The following SH3KBP1 variants were observed in gnomAD, a reference collection of about 807,000 sequenced individuals.
The protein encoded by SH3KBP1 is SH3 domain containing kinase binding protein 1.
Under a neutral mutation model 50.1 loss-of-function variants are expected in SH3KBP1, and 8 were observed. The observed-to-expected ratio is 0.16, with a 90% CI of 0.09 to 0.29. The LOEUF (loss-of-function observed/expected upper bound fraction) is 0.29, where lower values mean the gene tolerates loss of function less well. Ranked by LOEUF, SH3KBP1 falls within the 10% of genes least tolerant of loss-of-function variation. The probability of loss-of-function intolerance (pLI) is 1.00; values close to 1 mark genes in which losing one functional copy is unlikely to be tolerated. For synonymous variants in SH3KBP1, 227 were observed against 218.6 expected (o/e 1.04, Z -0.34); for missense variants, 377 against 535.2 (o/e 0.70, Z 2.92).
At chrX:19,887,195 C>T (rs1489632201) in intron 1 of SH3KBP1, 112 bp downstream of exon 1, 10 of 654,116 alleles carry the variant, frequency 1.5e-5, no homozygotes, top group Non-Finnish European at 2.0e-5. Context: ...ACCGCGGTGT[C>T]CCCCGTCCGG....
intron 6 of SH3KBP1, among the ~76,000 whole-genome samples, chrX:19,652,118 C>T (rs1210455838): frequency 9.0e-6 from 1 of 110,994 alleles, no homozygotes; most frequent in Non-Finnish European, 1.9e-5. Flanking sequence ...ACCAGAGAGC[C>T]TCTACGCCTC....
intron 3 of SH3KBP1, among the ~76,000 whole-genome samples, chrX:19,743,439 A>AAAAG (rs757893277): frequency 1.3e-4 from 14 of 110,416 alleles, no homozygotes; most frequent in East Asian, 2.8e-4. Context: ...CAAAAAATAA[A>AAAAG]AAAGAAAGAA....
chrX:19,694,280 T>C (rs1035508810), intron 5 of SH3KBP1, among the ~76,000 whole-genome samples: 2 of 111,688 alleles, frequency 1.8e-5, no homozygotes, highest in African/African-American at 6.5e-5. Context: ...TATTCCAGAG[T>C]ACAGGAGAAG....
At chrX:19,783,913 C>T (rs2066261057) in intron 2 of SH3KBP1, among the ~76,000 whole-genome samples, 1 of 111,575 alleles carries the variant, frequency 9.0e-6, no homozygotes, top group Admixed American at 9.5e-5. Flanking sequence ...ACTTCCAAGA[C>T]ATTAGGGAAC....
rs775709107 is a variant in SH3KBP1, at chrX:19,678,036, T to C, written c.726+5787A>G. On this transcript the variant is annotated intron_variant, in intron 6 of 17. Transcript: ENST00000397821. ...AAGGGGCAGGTCTTTCTATCTCACA[T>C]TGGCCTGAGTTAGTCCAATGTTGCT... Among the ~76,000 whole-genome samples, 4 of 111,957 alleles carry C rather than the reference T, an allele frequency of 3.6e-5. No individual in the cohort carries two copies. In the South Asian group the frequency reaches 1.1e-3, roughly 31 times the overall value.
At chrX:19,655,525 T>C (rs1190141069) in intron 6 of SH3KBP1, among the ~76,000 whole-genome samples, 1 of 111,855 alleles carries the variant, frequency 8.9e-6, no homozygotes, top group Non-Finnish European at 1.9e-5. Flanking sequence ...GCAACATGGA[T>C]GCAGCTGGAG....
intron 1 of SH3KBP1, among the ~76,000 whole-genome samples, chrX:19,866,489 A>G (rs909361407): frequency 6.3e-5 from 7 of 110,297 alleles, no homozygotes; most frequent in Middle Eastern, 4.6e-3. Flanking sequence ...GGAGTTTGAG[A>G]CCAGCCTGGG....
At chrX:19,713,111 T>C (rs983335782) in intron 3 of SH3KBP1, among the ~76,000 whole-genome samples, 8 of 109,487 alleles carry the variant, frequency 7.3e-5, no homozygotes, top group African/African-American at 2.7e-4. Flanking sequence ...TAGTCTCAGC[T>C]ACTCGGGAGG....
intron 13 of SH3KBP1, among the ~76,000 whole-genome samples, chrX:19,557,801 T>C (rs1449505199): frequency 8.9e-6 from 1 of 111,998 alleles, no homozygotes; most frequent in African/African-American, 3.2e-5. Context: ...AATAGCCACA[T>C]TCCCTGCCCA....
intron 1 of SH3KBP1, among the ~76,000 whole-genome samples, chrX:19,861,979 T>C (rs1025531967): frequency 8.9e-6 from 1 of 112,115 alleles, no homozygotes; most frequent in Admixed American, 9.5e-5. Context: ...TGACCTTTGC[T>C]CTTGACCGCT....
chrX:19,626,816 G>A (rs938545166), intron 8 of SH3KBP1, among the ~76,000 whole-genome samples: 7 of 110,761 alleles, frequency 6.3e-5, no homozygotes, highest in African/African-American at 9.9e-5. Flanking sequence ...TGATCCTCCC[G>A]TCTCAGCCAC....
chrX:19,659,058 C>T (rs1021141751), intron 6 of SH3KBP1, among the ~76,000 whole-genome samples: 1 of 105,778 alleles, frequency 9.5e-6, no homozygotes, highest in East Asian at 3.0e-4. Context: ...TGGGCTCAAG[C>T]GAGCCTCTCA....
chrX:19,610,003 C>T (rs2067363809), intron 8 of SH3KBP1, among the ~76,000 whole-genome samples: 1 of 111,471 alleles, frequency 9.0e-6, no homozygotes, highest in Non-Finnish European at 1.9e-5. Flanking sequence ...GTATCTGTTA[C>T]AAAGATAAGC....
chrX:19,711,567 A>G (rs1228540956), intron 3 of SH3KBP1, among the ~76,000 whole-genome samples: 1 of 110,684 alleles, frequency 9.0e-6, no homozygotes, highest in Non-Finnish European at 1.9e-5. Flanking sequence ...AAAACTTCCA[A>G]CACTTATAAA....
At chrX:19,637,398 A>G (rs1411572571) in intron 7 of SH3KBP1, among the ~76,000 whole-genome samples, 1 of 112,356 alleles carries the variant, frequency 8.9e-6, no homozygotes, top group African/African-American at 3.2e-5. Context: ...CTGCTCGAGG[A>G]GCTCAAGTAG....
chrX:19,569,382 C>T (rs993285259), intron 12 of SH3KBP1, among the ~76,000 whole-genome samples, 194 bp from the exon 13 acceptor site: 4 of 112,061 alleles, frequency 3.6e-5, no homozygotes, highest in African/African-American at 1.3e-4. Flanking sequence ...AGGCTGGATG[C>T]GTCCCTCTCC....
At chrX:19,670,419 C>G in intron 6 of SH3KBP1, 1 of 727,393 alleles carries the variant, frequency 1.4e-6, no homozygotes, top group Non-Finnish European at 1.6e-6. Context: ...CTAAGCTAAC[C>G]TGAAAAGCAA....
Position 19,656,868 on chromosome X carries a change from T to C in SH3KBP1, c.727-11393A>G, listed in dbSNP as rs140787503. ...ACATGTGAGAAACTCCTGACACATA[T>C]GAAAAAGCATCTTTCTAATCTGACA... On this transcript the variant is annotated intron_variant, in intron 6 of 17. Coordinates refer to ENST00000397821, the MANE Select transcript of SH3KBP1 (RefSeq NM_031892.3). Among the ~76,000 whole-genome samples, 7 of 112,167 alleles carry C rather than the reference T, an allele frequency of 6.2e-5. No individual in the cohort carries two copies. In the South Asian group the frequency reaches 2.6e-3, roughly 41 times the overall value.
chrX:19,701,257 G>A (rs775660403), intron 4 of SH3KBP1, among the ~76,000 whole-genome samples: 1 of 111,837 alleles, frequency 8.9e-6, no homozygotes, highest in East Asian at 2.8e-4. Flanking sequence ...CCTTTCTGAT[G>A]AATCAAGATC....
Sources: allele counts gnomAD v4.1 joint callset (sites outside exome capture counted in the v4.1 genomes callset), GRCh38; gene constraint gnomAD v4.1.1; transcripts MANE v1.5; gene names NCBI Gene and HGNC (gene_info 2026-07-23, HGNC 2026-07-21).